VPS13D: variants seen among roughly 807,000 people sequenced by gnomAD.
VPS13D encodes intermembrane lipid transfer protein VPS13D.
A neutral mutation model predicts 461.9 loss-of-function variants in VPS13D; 187 were observed. That is an observed-to-expected ratio of 0.40 (90% CI 0.36 to 0.46). VPS13D has a LOEUF of 0.46. Among genes scored for constraint, VPS13D ranks in the 20% least tolerant of loss-of-function variants. The pLI, the probability that VPS13D is intolerant of heterozygous loss-of-function variation, is 0.60. For synonymous variants in VPS13D, 1,951 were observed against 1,986.3 expected (o/e 0.98, Z 0.47); for missense variants, 4,711 against 5,364.9 (o/e 0.88, Z 3.81).
intron 52 of VPS13D, among the ~76,000 whole-genome samples, chr1:12,363,938 T>C: frequency 1.0e-5 from 1 of 97,106 alleles, no homozygotes; most frequent in Non-Finnish European, 1.8e-5. Flanking sequence ...GGCGACAGAG[T>C]AAGACTCTAT....
At chr1:12,435,530 T>C (rs1645048602) in intron 65 of VPS13D, among the ~76,000 whole-genome samples, 2 of 152,154 alleles carry the variant, frequency 1.3e-5, no homozygotes, top group African/African-American at 4.8e-5. Context: ...GTTCTGAGTC[T>C]TCATACAAAT....
Position 12,277,470 on chromosome 1 carries a change from C to T in VPS13D, c.3882C>T (p.Asn1294=). The change falls in exon 19 of 70, where the codon AAC becomes AAT. Residue 1294 remains asparagine, a synonymous_variant. Transcript: ENST00000620676. ...TGAAGATGGCTTCTTTACATTATAA[C>T]CACTCTGCTAAGTTTTTGAAGGAGT... ...LNLKMASLHY[N]HSAKFLKELT... 6.2e-7 allele frequency: 1 copy of T among 1,614,132 alleles called. No individual in the cohort carries two copies. Among genetic ancestry groups the T allele is most frequent in the East Asian group, 2.2e-5 (1 of 44,884 alleles).
At chr1:12,380,492 A>C in intron 57 of VPS13D, among the ~76,000 whole-genome samples, 1 of 152,192 alleles carries the variant, frequency 6.6e-6, no homozygotes, top group Non-Finnish European at 1.5e-5. Flanking sequence ...AGTCTACCTC[A>C]TGATAAACTC....
chr1:12,499,582 CA>C, intron 68 of VPS13D: 1 of 985,408 alleles, frequency 1.0e-6, no homozygotes, highest in African/African-American at 1.7e-5. Flanking sequence ...GAAATGAAAT[CA>C]GTAAAATAGC....
At chr1:12,338,044 T>C in intron 39 of VPS13D, 187 bp from the exon 40 acceptor site, 3 of 485,130 alleles carry the variant, frequency 6.2e-6, no homozygotes, top group Non-Finnish European at 1.1e-5. Flanking sequence ...AAAACTAGCA[T>C]AAAAATGTGT....
Position 12,304,546 on chromosome 1 carries a change from A to G in VPS13D, c.6257A>G (p.His2086Arg). ...GCTTCCCCAACGGGTATTCCCAAAC[A>G]CAGTCTGAGGAAAACGACAAGCACG... ...PSASPTGIPK[H>R]SLRKTTSTEE... The change falls in exon 26 of 70, where the codon CAC (histidine) becomes CGC (arginine). Residue 2086 changes from histidine to arginine, a missense_variant. His to Arg is a conservative substitution (Grantham distance 29). Around this residue, in one of 3 missense-constraint regions of VPS13D, gnomAD observed 4,411 missense variants for 4,937.8 expected, o/e 0.89. Coordinates refer to ENST00000620676, the MANE Select transcript of VPS13D (RefSeq NM_015378.4). 1 of 1,614,090 alleles carries G rather than the reference A, an allele frequency of 6.2e-7. No individual in the cohort carries two copies. Among genetic ancestry groups the G allele is most frequent in the African/African-American group, 1.3e-5 (1 of 75,008 alleles).
At position 12,369,530 on chromosome 1, in the gene VPS13D, A is replaced by G. The variant is rs142394129; in HGVS notation, c.10636A>G (p.Met3546Val). The change falls in exon 54 of 70, where the codon ATG becomes GTG. Residue 3546 changes from methionine (M) to valine (V), a missense_variant. Around this residue, in one of 3 missense-constraint regions of VPS13D, gnomAD observed 4,411 missense variants for 4,937.8 expected, o/e 0.89. Transcript: ENST00000620676. ...EPRLRTEVKP[M>V]TSLDYAWDEP... The stretch of plus-strand genomic sequence containing the variant: ...CAGGCTCCGGACTGAAGTGAAGCCC[A>G]TGACTTCATTGGATTATGCCTGGGA... 4.1e-4 allele frequency: 663 copies of G among 1,614,036 alleles called. 4 individuals carry two copies. The highest frequency in any genetic ancestry group is 7.6e-5 in the Non-Finnish European group (90 of 1,180,032).
At chr1:12,504,670 T>G (rs867297284) in intron 68 of VPS13D, among the ~76,000 whole-genome samples, 8 of 152,216 alleles carry the variant, frequency 5.3e-5, no homozygotes, top group Non-Finnish European at 1.0e-4. Context: ...GGCCTGTGTT[T>G]CCTTCGCTGT....
At position 12,319,622 on chromosome 1, in the gene VPS13D, G is replaced by A; in HGVS notation, c.7540G>A (p.Gly2514Ser). The change falls in exon 32 of 70, where the codon GGC becomes AGC. Residue 2514 changes from glycine (G) to serine (S), a missense_variant. Gly to Ser is a moderately conservative substitution (Grantham distance 56, BLOSUM62 0). Transcript: ENST00000620676. The stretch of plus-strand genomic sequence containing the variant: ...TCGCCCCTTTTCAGGAAGTTTGTTT[G>A]GCATTGAGGTAAGAAGTCTATGTGT... ...VDRPFSGSLF[G>S]IEVFSCRLGN... 1 of 1,614,178 alleles carries A rather than the reference G, an allele frequency of 6.2e-7. No individual in the cohort carries two copies. The highest frequency in any genetic ancestry group is 8.5e-7 in the Non-Finnish European group (1 of 1,180,018).
chr1:12,450,620 C>T (rs1275557922), intron 65 of VPS13D, among the ~76,000 whole-genome samples: 1 of 152,158 alleles, frequency 6.6e-6, no homozygotes, highest in African/African-American at 2.4e-5. Flanking sequence ...TAGTTAGCCA[C>T]GTGATCATGA....
At chr1:12,405,443 A>C (rs796067255) in intron 63 of VPS13D, among the ~76,000 whole-genome samples, 6 of 152,274 alleles carry the variant, frequency 3.9e-5, no homozygotes, top group African/African-American at 1.4e-4. Flanking sequence ...AGTCTGGTCA[A>C]CATCAGATCA....
intron 68 of VPS13D, chr1:12,499,851 ACT>A (rs1646012355): frequency 1.0e-6 from 1 of 985,180 alleles, no homozygotes; most frequent in Non-Finnish European, 1.2e-6. Flanking sequence ...TACACTCATC[ACT>A]CTGCAAGAAA....
intron 58 of VPS13D, among the ~76,000 whole-genome samples, chr1:12,384,379 A>G (rs889541850): frequency 1.3e-5 from 2 of 152,164 alleles, no homozygotes; most frequent in African/African-American, 4.8e-5. Context: ...CATGGAGCAG[A>G]CTTGCAGAGG....
Position 12,400,323 on chromosome 1 carries a change from T to G in VPS13D, c.11777T>G (p.Ile3926Ser), listed in dbSNP as rs1483610040. Residue 3926 changes from isoleucine to serine, a missense_variant, in exon 61 of 70, where the codon ATC (isoleucine) becomes AGC (serine). Transcript: ENST00000620676. ...KFPSKSALTN[I>S]YKHLMITAQR... ...CCCAGTAAGAGTGCACTGACCAACA[T>G]CTACAAGGTGGGCTGGTGGAGGAGG... The G allele has an allele frequency of 1.2e-6, 2 of 1,613,966 alleles. No homozygotes were observed.
At chr1:12,280,498 T>TAA (rs1486534881) in intron 20 of VPS13D, among the ~76,000 whole-genome samples, 4 of 151,406 alleles carry the variant, frequency 2.6e-5, no homozygotes. Context: ...TATGTTGACT[T>TAA]ACTTTTTTTT....
rs145797066 is a variant in VPS13D at position 12,429,237 on chromosome 1, C to A, written c.12333+12410C>A. Among the ~76,000 whole-genome samples, 1,101 of 151,922 alleles carry A rather than the reference C, an allele frequency of 7.2e-3. 7 individuals are homozygous for A. Among genetic ancestry groups the A allele is most frequent in the Non-Finnish European group, 0.011 (749 of 67,952 alleles). On this transcript the variant is annotated intron_variant, in intron 65 of 69. Coordinates refer to ENST00000620676, the MANE Select transcript of VPS13D (RefSeq NM_015378.4). ...TAGCATTTTTCACATGCTGTACATT[C>A]AATGAATGTGTTATTGTCTAGCTAT...
At chr1:12,320,452 G>GGT (rs1344996078) in intron 32 of VPS13D, among the ~76,000 whole-genome samples, 1 of 152,052 alleles carries the variant, frequency 6.6e-6, no homozygotes, top group African/African-American at 2.4e-5. Flanking sequence ...TCTTTCCAGT[G>GGT]GTATTGCTCA....
chr1:12,233,291 C>T (rs918043965), intron 1 of VPS13D, among the ~76,000 whole-genome samples: 3 of 152,186 alleles, frequency 2.0e-5, no homozygotes, highest in Non-Finnish European at 4.4e-5. Flanking sequence ...CAGGCGTGAG[C>T]CACCACCCCC....
chr1:12,311,065 A>G (rs1357659826), intron 27 of VPS13D, among the ~76,000 whole-genome samples: 2 of 151,736 alleles, frequency 1.3e-5, no homozygotes, highest in Admixed American at 1.3e-4. Context: ...ACAAGTGCAC[A>G]CCACCATGCC....
Sources: allele counts gnomAD v4.1 joint callset (sites outside exome capture counted in the v4.1 genomes callset), GRCh38; gene constraint gnomAD v4.1.1; regional missense constraint gnomAD v4.1.1; transcripts MANE v1.5; gene names NCBI Gene and HGNC (gene_info 2026-07-23, HGNC 2026-07-21).